Variants in CNTN5 observed in about 807,000 individuals in gnomAD.
The protein encoded by CNTN5 is contactin-5.
Under a neutral mutation model 129.1 loss-of-function variants are expected in CNTN5, and 77 were observed. The observed-to-expected ratio is 0.60, with a 90% CI of 0.50 to 0.72. The LOEUF (loss-of-function observed/expected upper bound fraction) is 0.72. CNTN5 is among the 30% of genes least tolerant of loss of function. The pLI, the probability that CNTN5 is intolerant of heterozygous loss-of-function variation, is 0.00. For synonymous variants in CNTN5, 509 were observed against 465.6 expected, an observed-to-expected ratio of 1.09 and a Z score of -1.20; for missense variants, 1,478 against 1,328.8, an observed-to-expected ratio of 1.11 and a Z score of -1.75.
At chr11:100,167,056 A>G (rs61908134) in intron 13 of CNTN5, among the ~76,000 whole-genome samples, 10,784 of 151,770 alleles carry the variant, frequency 0.071, 381 homozygotes, top group Non-Finnish European at 0.082. Context: ...TCATGGAGGA[A>G]TTCCTGATTG....
intron 9 of CNTN5, among the ~76,000 whole-genome samples, chr11:100,009,118 A>G (rs1940362870): frequency 6.6e-6 from 1 of 152,124 alleles, no homozygotes. Context: ...AACCTGCCTC[A>G]TTTGAAGTTA....
intron 7 of CNTN5, among the ~76,000 whole-genome samples, chr11:99,955,476 G>C (rs1354502913): frequency 6.6e-6 from 1 of 152,144 alleles, no homozygotes; most frequent in Non-Finnish European, 1.5e-5. Context: ...ATATTTGAAA[G>C]TTTTGGATTT....
chr11:99,409,180 G>A (rs1403238323), intron 2 of CNTN5, among the ~76,000 whole-genome samples: 1 of 152,082 alleles, frequency 6.6e-6, no homozygotes, highest in Non-Finnish European at 1.5e-5. Flanking sequence ...AAAAGGCACT[G>A]CCGGCCAGGC....
chr11:99,997,287 A>T (rs748598940), intron 8 of CNTN5, among the ~76,000 whole-genome samples: 13 of 152,160 alleles, frequency 8.5e-5, no homozygotes, highest in Non-Finnish European at 1.8e-4. Flanking sequence ...TAGCTTTTGA[A>T]TGTGTTTGCT....
Position 99,049,257 on chromosome 11 carries a change from C to T in CNTN5, c.-210+27987C>T, listed in dbSNP as rs781202257. Among the ~76,000 whole-genome samples the T allele has an allele frequency of 7.9e-5, 12 of 152,212 alleles. 1 individual carries two copies. The highest frequency in any genetic ancestry group is 3.3e-4 in the Admixed American group (5 of 15,274). On this transcript the variant is annotated intron_variant, in intron 1 of 24. Transcript: ENST00000524871. The stretch of plus-strand genomic sequence containing the variant: ...AAATTAATTTAACTTGAGCAATTGA[C>T]GTAATTGTAGCAATTGACTTAACTT...
At chr11:99,101,191 T>C (rs951136432) in intron 1 of CNTN5, among the ~76,000 whole-genome samples, 2 of 152,228 alleles carry the variant, frequency 1.3e-5, no homozygotes, top group East Asian at 3.9e-4. Flanking sequence ...ATGAGAACAG[T>C]ATTGGGGAAA....
At chr11:99,583,947 G>T (rs1002206265) in intron 3 of CNTN5, among the ~76,000 whole-genome samples, 1 of 152,042 alleles carries the variant, frequency 6.6e-6, no homozygotes, top group Non-Finnish European at 1.5e-5. Flanking sequence ...GGAGCTGTTT[G>T]TATTCGGCCA....
At chr11:99,769,550 C>T (rs1167719146) in intron 3 of CNTN5, among the ~76,000 whole-genome samples, 1 of 151,938 alleles carries the variant, frequency 6.6e-6, no homozygotes, top group Admixed American at 6.6e-5. Context: ...ATTTGATTTG[C>T]CTTACATATA....
intron 1 of CNTN5, among the ~76,000 whole-genome samples, chr11:99,239,129 A>G (rs1370020182): frequency 1.3e-5 from 2 of 151,958 alleles, no homozygotes; most frequent in Non-Finnish European, 2.9e-5. Context: ...CACATAACTG[A>G]TGAATAAGAA....
At chr11:100,281,462 T>C (rs565028353) in intron 18 of CNTN5, among the ~76,000 whole-genome samples, 26 of 152,276 alleles carry the variant, frequency 1.7e-4, no homozygotes, top group Admixed American at 1.4e-3. Flanking sequence ...GCCAGACATA[T>C]TGGAGCTCCT....
At chr11:99,864,602 C>T (rs886366583) in intron 6 of CNTN5, among the ~76,000 whole-genome samples, 1 of 152,120 alleles carries the variant, frequency 6.6e-6, no homozygotes, top group African/African-American at 2.4e-5. Context: ...CTATGTTTCC[C>T]TCTTTCAACT....
chr11:99,888,663 G>A (rs375094216), intron 6 of CNTN5, among the ~76,000 whole-genome samples: 1 of 152,286 alleles, frequency 6.6e-6, no homozygotes, highest in South Asian at 2.1e-4. Flanking sequence ...GTAGTGAGCT[G>A]TCAGCAATGG....
At chr11:99,338,022 CTT>C (rs1473975904) in intron 2 of CNTN5, among the ~76,000 whole-genome samples, 1 of 151,922 alleles carries the variant, frequency 6.6e-6, no homozygotes, top group Non-Finnish European at 1.5e-5. Context: ...AATTCATAAA[CTT>C]ATTTGTAAAA....
intron 1 of CNTN5, among the ~76,000 whole-genome samples, chr11:99,167,901 G>A (rs1292273946): frequency 6.6e-6 from 1 of 151,498 alleles, no homozygotes; most frequent in Non-Finnish European, 1.5e-5. Context: ...AATTAGATCT[G>A]ACCCCAAAGC....
At chr11:100,263,370 T>A (rs1950242892) in intron 17 of CNTN5, among the ~76,000 whole-genome samples, 1 of 152,122 alleles carries the variant, frequency 6.6e-6, no homozygotes, top group Admixed American at 6.5e-5. Flanking sequence ...TGTAGGTAAA[T>A]GAAATTTGAG....
chr11:99,554,331 A>G (rs752656491), intron 2 of CNTN5, among the ~76,000 whole-genome samples: 2 of 151,992 alleles, frequency 1.3e-5, no homozygotes, highest in African/African-American at 2.4e-5. Flanking sequence ...TAAGTTCTTT[A>G]TCTAAGACCA....
intron 13 of CNTN5, among the ~76,000 whole-genome samples, chr11:100,099,547 A>G (rs1383073261): frequency 6.6e-6 from 1 of 151,658 alleles, no homozygotes; most frequent in Non-Finnish European, 1.5e-5. Context: ...GTACATCACA[A>G]GGGGATAACT....
intron 13 of CNTN5, among the ~76,000 whole-genome samples, chr11:100,182,388 CAGAG>C (rs147676533): frequency 1.2e-4 from 18 of 151,446 alleles, no homozygotes; most frequent in Admixed American, 6.6e-5. Context: ...TGTCAGAGAG[CAGAG>C]AGAGAGAGAA....
intron 3 of CNTN5, among the ~76,000 whole-genome samples, chr11:99,655,820 G>C (rs1217991313): frequency 6.6e-6 from 1 of 151,882 alleles, no homozygotes; most frequent in Non-Finnish European, 1.5e-5. Flanking sequence ...TAAAGAGGTA[G>C]GATGTAAAGA....
Sources: allele counts gnomAD v4.1 joint callset (sites outside exome capture counted in the v4.1 genomes callset), GRCh38; gene constraint gnomAD v4.1.1; transcripts MANE v1.5; gene names NCBI Gene and HGNC (gene_info 2026-07-23, HGNC 2026-07-21).